Variants in SYT2 observed in about 807,000 individuals in gnomAD.
SYT2 encodes the protein synaptotagmin 2, also known as synaptotagmin-2.
SYT2 carries 15 observed loss-of-function variants against 39.9 expected under a neutral mutation model. That is an observed-to-expected ratio of 0.38 (90% CI 0.25 to 0.58). The LOEUF (loss-of-function observed/expected upper bound fraction) is 0.58. SYT2 is among the 20% of genes least tolerant of loss of function. The pLI, the probability that SYT2 is intolerant of heterozygous loss-of-function variation, is 0.70. For missense variants in SYT2, 389 were observed against 530.3 expected (o/e 0.73, Z 2.62); for synonymous variants, 181 against 204.5 (o/e 0.89, Z 0.98).
In SYT2 at chr1:202,593,689, C is replaced by T. The variant is rs894271733; in HGVS notation, c.*3068G>A. ...CCCAAAAATCTGCCTGTAGCTCTGG[C>T]AGAGTTAGCATCCCTTCTGGAACAA... On this transcript the variant is annotated 3_prime_UTR_variant, in exon 9 of 9. Transcript: ENST00000367268. The T allele has an allele frequency of 6.6e-6, 1 of 152,166 alleles. No homozygotes were observed. The highest frequency in any genetic ancestry group is 1.5e-5 in the Non-Finnish European group (1 of 68,058). 9.4% of individuals were successfully genotyped at this position (152,166 alleles called of 1,614,324 possible).
intron 1 of SYT2, among the ~76,000 whole-genome samples, chr1:202,646,632 G>A (rs1303035518): frequency 6.6e-6 from 1 of 152,216 alleles, no homozygotes; most frequent in African/African-American, 2.4e-5. Context: ...TCTCACCTGC[G>A]ACATGGGGAT....
At chr1:202,706,797 G>C (rs1163988568) in intron 1 of SYT2, among the ~76,000 whole-genome samples, 1 of 152,178 alleles carries the variant, frequency 6.6e-6, no homozygotes, top group Non-Finnish European at 1.5e-5. Flanking sequence ...CCTATGGATG[G>C]ATTATTCACG....
At position 202,600,358 on chromosome 1, in the gene SYT2, T is replaced by G; in HGVS notation, c.918A>C (p.Ser306=). The change falls in exon 7 of 9, where the codon TCA becomes TCC. Residue 306 remains serine, a splice_region_variant and synonymous_variant. Transcript: ENST00000367268. ...NLKKMDVGGL[S]DPYVKIHLMQ... Reference sequence around the variant, plus strand: ...GGCAGCCAGAAGCTCTCCACGTACCTGAAAGGCCGCCCACGTCCATCTTCT... The same window carrying G: ...GGCAGCCAGAAGCTCTCCACGTACCGGAAAGGCCGCCCACGTCCATCTTCT... 1.2e-6 allele frequency: 2 copies of G among 1,613,948 alleles called. No individual in the cohort carries two copies. The highest frequency in any genetic ancestry group is 1.7e-6 in the Non-Finnish European group (2 of 1,179,860).
At chr1:202,664,533 C>T (rs1277919853) in intron 1 of SYT2, among the ~76,000 whole-genome samples, 5 of 152,210 alleles carry the variant, frequency 3.3e-5, no homozygotes, top group Non-Finnish European at 5.9e-5. Context: ...CCTCTCTGCA[C>T]TCAGCCCCTA....
chr1:202,694,012 C>G (rs1653911895), intron 1 of SYT2, among the ~76,000 whole-genome samples: 1 of 152,170 alleles, frequency 6.6e-6, no homozygotes, highest in Admixed American at 6.5e-5. Flanking sequence ...ATCCAGATCT[C>G]TCATGAACTC....
chr1:202,700,409 G>A (rs897929427), intron 1 of SYT2, among the ~76,000 whole-genome samples: 4 of 152,222 alleles, frequency 2.6e-5, no homozygotes, highest in Non-Finnish European at 5.9e-5. Context: ...CTTCACCTAG[G>A]ACAGCAGTTC....
chr1:202,603,174 G>A (rs937448979), intron 3 of SYT2, 56 bp from the exon 4 acceptor site: 58 of 1,603,810 alleles, frequency 3.6e-5, no homozygotes, highest in Non-Finnish European at 4.8e-5. Context: ...CGAGAAGTCT[G>A]GCTTAGCACA....
intron 1 of SYT2, among the ~76,000 whole-genome samples, chr1:202,642,747 C>T (rs1691953957): frequency 1.3e-5 from 2 of 152,348 alleles, no homozygotes; most frequent in South Asian, 4.1e-4. Context: ...TCCCCAGTGT[C>T]GCGCGAGCAT....
chr1:202,657,915 T>G (rs912676773), intron 1 of SYT2, among the ~76,000 whole-genome samples: 2 of 152,074 alleles, frequency 1.3e-5, no homozygotes, highest in Non-Finnish European at 2.9e-5. Flanking sequence ...AATCAATGAA[T>G]TCATTACTCA....
intron 1 of SYT2, among the ~76,000 whole-genome samples, chr1:202,642,104 C>T (rs953560048): frequency 6.6e-6 from 1 of 152,138 alleles, no homozygotes; most frequent in African/African-American, 2.4e-5. Context: ...CCTCAGATAC[C>T]TTAAATTCCA....
intron 1 of SYT2, among the ~76,000 whole-genome samples, chr1:202,651,849 A>T (rs1692200848): frequency 6.6e-6 from 1 of 152,216 alleles, no homozygotes; most frequent in Non-Finnish European, 1.5e-5. Flanking sequence ...TCACGAGGTC[A>T]AGAGATCGAG....
rs1654368629 is a variant in SYT2 at position 202,710,445 on chromosome 1, A to C, written c.-205T>G. The C allele has an allele frequency of 6.6e-6, 1 of 152,382 alleles. No individual in the cohort carries two copies. Among genetic ancestry groups the C allele is most frequent in the South Asian group, 2.1e-4 (1 of 4,834 alleles). The allele number at this position is 152,382 out of a possible 1,614,324, so 9.4% of individuals were successfully genotyped here. ...CTTTGCCGCAAGACTTGCTGAGCTTAGCAGTCTGCGCCGAGGCGGCAGAGG... is the reference window on the plus strand; with the variant it reads ...CTTTGCCGCAAGACTTGCTGAGCTTCGCAGTCTGCGCCGAGGCGGCAGAGG... On this transcript the variant is annotated 5_prime_UTR_variant, in exon 1 of 9. Transcript: ENST00000367268.
At chr1:202,668,563 A>G (rs1410348844) in intron 1 of SYT2, among the ~76,000 whole-genome samples, 1 of 152,228 alleles carries the variant, frequency 6.6e-6, no homozygotes, top group African/African-American at 2.4e-5. Flanking sequence ...CATAATGACA[A>G]CATTCATTTA....
intron 1 of SYT2, among the ~76,000 whole-genome samples, chr1:202,683,057 C>T (rs1163230687): frequency 1.3e-5 from 2 of 152,114 alleles, no homozygotes; most frequent in East Asian, 1.9e-4. Flanking sequence ...ATGCCATGTA[C>T]GCCCACCAGA....
At chr1:202,674,252 C>T (rs1385496139) in intron 1 of SYT2, among the ~76,000 whole-genome samples, 1 of 152,110 alleles carries the variant, frequency 6.6e-6, no homozygotes, top group Non-Finnish European at 1.5e-5. Context: ...CAGGCGTGTA[C>T]CACCACGTGC....
intron 1 of SYT2, among the ~76,000 whole-genome samples, chr1:202,658,139 G>A (rs762339005): frequency 6.6e-6 from 1 of 152,216 alleles, no homozygotes; most frequent in South Asian, 2.1e-4. Flanking sequence ...GATCTCTTAG[G>A]GTCCTTTCGG....
intron 1 of SYT2, among the ~76,000 whole-genome samples, chr1:202,707,501 A>G (rs1013560655): frequency 2.6e-5 from 4 of 152,172 alleles, no homozygotes; most frequent in African/African-American, 9.6e-5. Context: ...AGACTGGGGA[A>G]GTCCACAGAG....
intron 1 of SYT2, among the ~76,000 whole-genome samples, chr1:202,656,328 G>A (rs1347469503): frequency 1.3e-5 from 2 of 152,148 alleles, no homozygotes; most frequent in Non-Finnish European, 2.9e-5. Context: ...CCAGATCCTC[G>A]GCCCCTGAGG....
chr1:202,600,266 GT>G, intron 7 of SYT2, 90 bp downstream of exon 7: 1 of 1,059,426 alleles, frequency 9.4e-7, no homozygotes, highest in Non-Finnish European at 1.4e-6. Context: ...GCAGCAAAGT[GT>G]TCCTCTTCAC....
Sources: allele counts gnomAD v4.1 joint callset (sites outside exome capture counted in the v4.1 genomes callset), GRCh38; gene constraint gnomAD v4.1.1; transcripts MANE v1.5; gene names NCBI Gene and HGNC (gene_info 2026-07-23, HGNC 2026-07-21).